The following ARHGEF11 variants were observed in gnomAD, a reference collection of about 807,000 sequenced individuals.
ARHGEF11 encodes Rho guanine exchange factor (GEF) 11.
ARHGEF11 carries 55 observed loss-of-function variants against 193.7 expected under a neutral mutation model. That is an observed-to-expected ratio of 0.28 (90% CI 0.23 to 0.36). The LOEUF (loss-of-function observed/expected upper bound fraction) is 0.36. ARHGEF11 is among the 10% of genes least tolerant of loss of function. The pLI is 1.00. For synonymous variants in ARHGEF11, 693 were observed against 768.0 expected, an observed-to-expected ratio of 0.90 and a Z score of 1.62; for missense variants, 1,723 against 2,005.6, an observed-to-expected ratio of 0.86 and a Z score of 2.69.
intron 7 of ARHGEF11, among the ~76,000 whole-genome samples, chr1:156,974,949 T>C (rs1663054790): frequency 6.6e-6 from 1 of 152,250 alleles, no homozygotes; most frequent in Admixed American, 6.5e-5. Context: ...TTTCTGGCTA[T>C]TATTAATAAT....
intron 1 of ARHGEF11, among the ~76,000 whole-genome samples, chr1:157,009,958 C>T (rs1324545858): frequency 6.6e-6 from 1 of 152,160 alleles, no homozygotes; most frequent in Non-Finnish European, 1.5e-5. Flanking sequence ...CAATCTCACC[C>T]TTCCCTCAAA....
chr1:156,997,556 T>C (rs1325098264), intron 1 of ARHGEF11, among the ~76,000 whole-genome samples: 3 of 152,176 alleles, frequency 2.0e-5, no homozygotes, highest in African/African-American at 4.8e-5. Flanking sequence ...ATGCGTGGAA[T>C]GCACTAGAAA....
intron 1 of ARHGEF11, among the ~76,000 whole-genome samples, chr1:157,008,131 A>G (rs1012886611): frequency 1.3e-5 from 2 of 152,168 alleles, no homozygotes; most frequent in Non-Finnish European, 2.9e-5. Flanking sequence ...AAATAATGCA[A>G]ATCTACATCT....
At chr1:157,001,284 C>G (rs956693285) in intron 1 of ARHGEF11, among the ~76,000 whole-genome samples, 1 of 152,188 alleles carries the variant, frequency 6.6e-6, no homozygotes, top group African/African-American at 2.4e-5. Flanking sequence ...AAATGGGTCT[C>G]TCAACCCATA....
Position 156,947,858 on chromosome 1 carries a change from G to A in ARHGEF11, c.2252C>T (p.Pro751Leu), listed in dbSNP as rs535925967. The A allele has an allele frequency of 6.2e-7, 1 of 1,614,118 alleles. No homozygotes were observed. The highest frequency in any genetic ancestry group is 2.2e-5 in the East Asian group (1 of 44,880). ...TGTATGCTGCCAATTTTGGGCATCT[G>A]GCTCTGGCTCCAGGTCAGACAGCTG... ...LGQLSDLEPE[P>L]DAQNWQHTVG... Residue 751 changes from proline (P) to leucine (L), a missense_variant, in exon 25 of 41, where the codon CCA becomes CTA. Transcript: ENST00000368194.
intron 10 of ARHGEF11, 101 bp from the exon 11 acceptor site, chr1:156,968,225 G>T: frequency 2.3e-6 from 3 of 1,329,964 alleles, no homozygotes; most frequent in African/African-American, 1.5e-5. Context: ...TATAACATCA[G>T]CTAAGAGAAG....
upstream of ARHGEF11, among the ~76,000 whole-genome samples, chr1:157,046,133 G>C (rs1176859141): frequency 7.0e-6 from 1 of 142,824 alleles, no homozygotes; most frequent in African/African-American, 2.7e-5. Flanking sequence ...CCTGCCCCTC[G>C]GCGCGGCCTA....
At chr1:156,959,743 G>A (rs1660510266) in intron 15 of ARHGEF11, among the ~76,000 whole-genome samples, 1 of 152,066 alleles carries the variant, frequency 6.6e-6, no homozygotes, top group South Asian at 2.1e-4. Context: ...TCCAATTCCT[G>A]TCCTCTAAAA....
At chr1:156,990,498 C>A (rs1488092903) in intron 1 of ARHGEF11, among the ~76,000 whole-genome samples, 1 of 152,130 alleles carries the variant, frequency 6.6e-6, no homozygotes, top group African/African-American at 2.4e-5. Flanking sequence ...TTTTACTATC[C>A]ATAGATGATT....
In ARHGEF11 at chr1:156,961,791, A is replaced by G. The variant is rs1660896499; in HGVS notation, c.1141-16T>C. On this transcript the variant is annotated splice_polypyrimidine_tract_variant and intron_variant, in intron 13 of 40. Coordinates refer to ENST00000368194, the MANE Select transcript of ARHGEF11 (RefSeq NM_198236.3). ...GGTAAAAAAGCTAGGAGGAGAGAGAACTGGGTTAGAGCAGTGGTTCTCCCC... is the reference window on the plus strand; with the variant it reads ...GGTAAAAAAGCTAGGAGGAGAGAGAGCTGGGTTAGAGCAGTGGTTCTCCCC... 1.2e-6 allele frequency: 2 copies of G among 1,611,384 alleles called. No individual in the cohort carries two copies. The highest frequency in any genetic ancestry group is 1.7e-6 in the Non-Finnish European group (2 of 1,177,552).
chr1:157,024,583 T>C (rs1670420383), intron 1 of ARHGEF11, among the ~76,000 whole-genome samples: 1 of 152,172 alleles, frequency 6.6e-6, no homozygotes, highest in South Asian at 2.1e-4. Flanking sequence ...CTCAAAAAAC[T>C]TGTCTGCAGG....
At chr1:157,019,817 T>C (rs534255199) in intron 1 of ARHGEF11, among the ~76,000 whole-genome samples, 1 of 152,140 alleles carries the variant, frequency 6.6e-6, no homozygotes, top group Non-Finnish European at 1.5e-5. Flanking sequence ...ACTGATCTAC[T>C]GTGAGAGAAA....
chr1:157,044,194 A>T, intron 1 of ARHGEF11, 105 bp downstream of exon 1: 1 of 1,077,598 alleles, frequency 9.3e-7, no homozygotes, highest in East Asian at 2.4e-5. Context: ...CAATTCCCAT[A>T]GCCCACCCAG....
chr1:157,014,897 T>C (rs1669016387), intron 1 of ARHGEF11, among the ~76,000 whole-genome samples: 1 of 152,218 alleles, frequency 6.6e-6, no homozygotes. Context: ...TTTAACCAAC[T>C]TTTGTAACAA....
chr1:156,971,606 C>G (rs1662491275), intron 8 of ARHGEF11, 91 bp downstream of exon 8: 2 of 1,499,154 alleles, frequency 1.3e-6, no homozygotes, highest in South Asian at 2.7e-5. Context: ...CCTGGCATAA[C>G]CCAAGAAGCC....
At chr1:156,966,645 T>C (rs2102246204) in intron 11 of ARHGEF11, among the ~76,000 whole-genome samples, 1 of 152,352 alleles carries the variant, frequency 6.6e-6, no homozygotes, top group East Asian at 1.9e-4. Flanking sequence ...TATCTGGACA[T>C]GGCATTAAAT....
intron 17 of ARHGEF11, 115 bp downstream of exon 17, chr1:156,958,627 G>A: frequency 6.8e-7 from 1 of 1,459,974 alleles, no homozygotes; most frequent in Non-Finnish European, 9.4e-7. Flanking sequence ...ATCTTTCAGG[G>A]GCAGGAGAAT....
chr1:156,990,238 C>A (rs1208428851), intron 1 of ARHGEF11, among the ~76,000 whole-genome samples: 2 of 152,168 alleles, frequency 1.3e-5, no homozygotes, highest in African/African-American at 4.8e-5. Context: ...GTCCTACAAT[C>A]TGGATTCATC....
At chr1:157,026,594 G>A (rs763731898) in intron 1 of ARHGEF11, among the ~76,000 whole-genome samples, 5 of 152,224 alleles carry the variant, frequency 3.3e-5, no homozygotes, top group Non-Finnish European at 7.3e-5. Context: ...CCGAGATCCA[G>A]TGGGGCCAAG....
Sources: gnomAD v4.1 joint callset for allele counts (sites outside exome capture counted in the v4.1 genomes callset) on GRCh38, gnomAD v4.1.1 for gene constraint, MANE v1.5 for transcripts, NCBI Gene and HGNC (gene_info 2026-07-23, HGNC 2026-07-21) for gene names.